The following CCDC77 variants were observed in gnomAD, a reference collection of about 807,000 sequenced individuals.
The protein encoded by CCDC77 is coiled-coil domain-containing protein 77.
Under a neutral mutation model 66.8 loss-of-function variants are expected in CCDC77, and 56 were observed. That is an observed-to-expected ratio of 0.84 (90% CI 0.68 to 1.05). CCDC77 has a LOEUF of 1.05. Ranked by LOEUF, CCDC77 falls within the 50% of genes least tolerant of loss-of-function variation. The pLI, the probability that CCDC77 is intolerant of heterozygous loss-of-function variation, is 0.00. For synonymous variants in CCDC77, 196 were observed against 195.2 expected (o/e 1.00, Z -0.03); for missense variants, 570 against 576.8 (o/e 0.99, Z 0.12).
At chr12:406,286 A>C (rs78560468) in intron 2 of CCDC77, among the ~76,000 whole-genome samples, 2 of 152,326 alleles carry the variant, frequency 1.3e-5, no homozygotes, top group East Asian at 3.9e-4. Context: ...GGAAGACTTC[A>C]TCAAGAAAGT....
intron 4 of CCDC77, among the ~76,000 whole-genome samples, chr12:413,394 G>A (rs1945154382): frequency 6.8e-6 from 1 of 146,370 alleles, no homozygotes; most frequent in South Asian, 2.2e-4. Context: ...CTGCCACCAT[G>A]CCCAGCTAAT....
chr12:394,655 G>A (rs887600505), intron 1 of CCDC77, among the ~76,000 whole-genome samples: 3 of 152,192 alleles, frequency 2.0e-5, no homozygotes, highest in Non-Finnish European at 4.4e-5. Context: ...TTTGCCACCA[G>A]TGTGATTTTT....
chr12:399,468 C>A (rs1411535007), upstream of CCDC77, among the ~76,000 whole-genome samples: 1 of 152,176 alleles, frequency 6.6e-6, no homozygotes, highest in Non-Finnish European at 1.5e-5. Flanking sequence ...CCGTGCCCGG[C>A]CTGAAATATA....
At chr12:393,300 C>T (rs533687158) in intron 1 of CCDC77, among the ~76,000 whole-genome samples, 13 of 151,976 alleles carry the variant, frequency 8.6e-5, no homozygotes, top group African/African-American at 2.7e-4. Context: ...TTTTTGTAGA[C>T]ATGGGATCTT....
chr12:412,985 C>T (rs900661379), intron 4 of CCDC77, among the ~76,000 whole-genome samples: 1 of 152,006 alleles, frequency 6.6e-6, no homozygotes, highest in Non-Finnish European at 1.5e-5. Context: ...GTCGCCCAGG[C>T]TGGAGTGCAG....
chr12:425,396 C>CCGTA (rs1945508709), intron 5 of CCDC77, among the ~76,000 whole-genome samples: 1 of 151,714 alleles, frequency 6.6e-6, no homozygotes, highest in Non-Finnish European at 1.5e-5. Flanking sequence ...GTGGTGCTTG[C>CCGTA]CGTAAACTCC....
At chr12:429,820 A>G (rs184786058) in intron 6 of CCDC77, among the ~76,000 whole-genome samples, 1 of 152,034 alleles carries the variant, frequency 6.6e-6, no homozygotes, top group Non-Finnish European at 1.5e-5. Context: ...AGGTCTTGGT[A>G]TGTTGCCTAG....
chr12:397,950 A>T (rs768858879), upstream of CCDC77, among the ~76,000 whole-genome samples: 2 of 151,964 alleles, frequency 1.3e-5, no homozygotes, highest in African/African-American at 2.4e-5. Flanking sequence ...CTGGCCTTAA[A>T]ATACTTTATT....
chr12:416,312 T>G, intron 4 of CCDC77, among the ~76,000 whole-genome samples: 1 of 127,000 alleles, frequency 7.9e-6, no homozygotes, highest in African/African-American at 2.8e-5. Flanking sequence ...TGTTTATGTG[T>G]GTGTGTGTGT....
At chr12:401,396 C>A (rs1002978879), upstream of CCDC77, among the ~76,000 whole-genome samples, 5 of 152,346 alleles carry the variant, frequency 3.3e-5, no homozygotes, top group East Asian at 9.7e-4. Context: ...TCACACTACC[C>A]GTCCCTGGAG....
chr12:433,174 GT>G lies in CCDC77; in HGVS notation c.674del (p.Val225GlyfsTer47). 6.2e-7 allele frequency: 1 copy of G among 1,613,408 alleles called. No homozygotes were observed. Among genetic ancestry groups the G allele is most frequent in the South Asian group, 1.1e-5 (1 of 91,002 alleles). On this transcript the variant is annotated frameshift_variant and splice_region_variant, in exon 9 of 13. Coordinates refer to ENST00000239830, the MANE Select transcript of CCDC77 (RefSeq NM_032358.4). LOFTEE classifies it high-confidence loss of function. ...CCTCACCCCTTTTTGGCCTGTCTAG[GT>G]GGAAGCACTGCAGGCTCAGCTGGGA... ...QRDIQTLILQ[V>X]EALQAQLGEQ...
At chr12:432,064 C>A in intron 8 of CCDC77, 110 bp downstream of exon 8, 2 of 638,570 alleles carry the variant, frequency 3.1e-6, no homozygotes, top group Non-Finnish European at 2.8e-6. Flanking sequence ...CAGGTTACAT[C>A]TAAGCATCAT....
intron 5 of CCDC77, among the ~76,000 whole-genome samples, chr12:424,018 G>C (rs866293399): frequency 9.9e-5 from 15 of 152,094 alleles, no homozygotes; most frequent in Middle Eastern, 3.4e-3. Context: ...TTGCTCTGTC[G>C]CCCAGGCAGT....
chr12:415,798 A>AATTTTTT (rs1945244396), intron 4 of CCDC77, among the ~76,000 whole-genome samples: 1 of 109,926 alleles, frequency 9.1e-6, no homozygotes, highest in Non-Finnish European at 1.8e-5. Context: ...ATGCCCAGCT[A>AATTTTTT]ATTTTTTATT....
intron 5 of CCDC77, among the ~76,000 whole-genome samples, chr12:423,319 T>TTG (rs1565572050): frequency 6.8e-6 from 1 of 146,196 alleles, no homozygotes; most frequent in African/African-American, 2.5e-5. Context: ...TTTTTTTTTT[T>TTG]TGTGGAGACA....
chr12:411,476 G>A (rs965374053), intron 3 of CCDC77, among the ~76,000 whole-genome samples: 6 of 151,442 alleles, frequency 4.0e-5, no homozygotes, highest in South Asian at 2.1e-4. Context: ...CACCACGCCC[G>A]GCCAAGATTT....
chr12:432,024 A>G, intron 8 of CCDC77, 70 bp downstream of exon 8: 2 of 866,446 alleles, frequency 2.3e-6, no homozygotes, highest in Non-Finnish European at 3.8e-6. Context: ...ACATACCCTC[A>G]GTGTCATGTG....
chr12:439,599 C>T (rs972528356), intron 10 of CCDC77, among the ~76,000 whole-genome samples: 4 of 150,734 alleles, frequency 2.7e-5, no homozygotes, highest in East Asian at 2.0e-4. Context: ...GCCAGCACAG[C>T]GGAACCCTGT....
At chr12:397,412 CAG>C (rs781569035), upstream of CCDC77, among the ~76,000 whole-genome samples, 8 of 152,050 alleles carry the variant, frequency 5.3e-5, no homozygotes, top group Non-Finnish European at 8.8e-5. Flanking sequence ...ATGTAATTAA[CAG>C]AGAAAATCAC....
Sources: gnomAD v4.1 joint callset for allele counts (sites outside exome capture counted in the v4.1 genomes callset) on GRCh38, gnomAD v4.1.1 for gene constraint, MANE v1.5 for transcripts, NCBI Gene and HGNC (gene_info 2026-07-23, HGNC 2026-07-21) for gene names.